The following EVL variants were observed in gnomAD, a reference collection of about 807,000 sequenced individuals.
EVL encodes ena/VASP-like protein.
In EVL, 21 loss-of-function variants were observed where a neutral mutation model predicts 59.6. The observed-to-expected ratio is 0.35, with a 90% CI of 0.25 to 0.51. The LOEUF (loss-of-function observed/expected upper bound fraction) is 0.51. Among genes scored for constraint, EVL ranks in the 20% least tolerant of loss-of-function variants. The pLI is 0.97. For synonymous variants in EVL, 198 were observed against 203.5 expected, an observed-to-expected ratio of 0.97 and a Z score of 0.23; for missense variants, 462 against 546.6, an observed-to-expected ratio of 0.85 and a Z score of 1.54.
rs1595254673 is a variant in EVL, at chr14:100,137,608, A to G, written c.995A>G (p.Asn332Ser). 3 of 1,613,932 alleles carry G rather than the reference A, an allele frequency of 1.9e-6. No homozygotes were observed. Among genetic ancestry groups the G allele is most frequent in the Non-Finnish European group, 2.5e-6 (3 of 1,180,010 alleles). Reference protein sequence around the residue: ...EAGRKPWERSNSVEKPVSSIL... With the variant: ...EAGRKPWERSSSVEKPVSSIL... ...GGCCGGAAGCCCTGGGAGCGGAGCA[A>G]CTCGGTGGAGAAGCCTGTGTCCTCG... The change falls in exon 10 of 14, where the codon AAC becomes AGC. Residue 332 changes from asparagine to serine, a missense_variant. Asn to Ser is a conservative substitution (Grantham distance 46). Coordinates refer to ENST00000392920, the MANE Select transcript of EVL (RefSeq NM_016337.3).
chr14:100,122,952 T>A (rs1887794000), intron 3 of EVL, among the ~76,000 whole-genome samples: 1 of 152,116 alleles, frequency 6.6e-6, no homozygotes, highest in South Asian at 2.1e-4. Context: ...TCTGGCTCCT[T>A]CCCACCCGCA....
At chr14:100,086,896 G>T (rs1189746478) in intron 2 of EVL, among the ~76,000 whole-genome samples, 1 of 152,088 alleles carries the variant, frequency 6.6e-6, no homozygotes, top group Non-Finnish European at 1.5e-5. Context: ...AGAGATTCTT[G>T]GTAAACCAAG....
chr14:100,038,632 C>T (rs988562689), intron 1 of EVL, among the ~76,000 whole-genome samples: 1 of 152,116 alleles, frequency 6.6e-6, no homozygotes, highest in African/African-American at 2.4e-5. Context: ...TTATTAACTG[C>T]TCATAATAAA....
Position 100,088,617 on chromosome 14 carries a change from T to C in EVL, c.180+3762T>C, listed in dbSNP as rs529889885. 1.2e-4 allele frequency among the ~76,000 whole-genome samples: 18 copies of C among 152,324 alleles called. 1 individual carries two copies. In the South Asian group the frequency reaches 3.3e-3, roughly 28 times the overall value. ...AATATACGTGAGCATAGAAAAAGTATAGTAAAAATACCGTACTATAGTCTT... is the reference window on the plus strand; with the variant it reads ...AATATACGTGAGCATAGAAAAAGTACAGTAAAAATACCGTACTATAGTCTT... On this transcript the variant is annotated intron_variant, in intron 2 of 13. Transcript: ENST00000392920.
intron 1 of EVL, among the ~76,000 whole-genome samples, chr14:100,010,623 C>T (rs1274655354): frequency 1.3e-5 from 2 of 152,174 alleles, no homozygotes; most frequent in Non-Finnish European, 2.9e-5. Flanking sequence ...TCTCAAACTC[C>T]TGACCTCAGG....
At position 100,126,758 on chromosome 14, in the gene EVL, A is replaced by G. The variant is rs1566720163; in HGVS notation, c.474A>G (p.Arg158=). 6.2e-7 allele frequency: 1 copy of G among 1,613,980 alleles called. No individual in the cohort carries two copies. The highest frequency in any genetic ancestry group is 1.7e-5 in the Admixed American group (1 of 60,014). ...AGCGTCAGGAATCTCTAGAAAGAAG[A>G]ACCTCGGCCACAGGTGAGAGCCCTC... is the stretch of plus-strand genomic sequence containing the variant. ...QQQRQESLER[R]TSATGPILPP... is the part of the protein sequence containing the mutation. Residue 158 remains arginine, a synonymous_variant, in exon 5 of 14, where the codon AGA becomes AGG. Transcript: ENST00000392920.
chr14:100,073,620 C>G (rs1341946914), intron 1 of EVL, among the ~76,000 whole-genome samples: 3 of 152,006 alleles, frequency 2.0e-5, no homozygotes, highest in African/African-American at 7.3e-5. Flanking sequence ...GTGCCCGGCC[C>G]TTGTTTTATT....
intron 1 of EVL, among the ~76,000 whole-genome samples, chr14:100,005,671 C>CA (rs2060974253): frequency 7.1e-6 from 1 of 140,232 alleles, no homozygotes; most frequent in Non-Finnish European, 1.6e-5. Context: ...ACACACACAC[C>CA]CCTTGGATGT....
At chr14:100,070,093 T>G (rs1044603382) in intron 1 of EVL, among the ~76,000 whole-genome samples, 1 of 136,838 alleles carries the variant, frequency 7.3e-6, no homozygotes, top group Non-Finnish European at 1.6e-5. Context: ...AGAAAGAAAA[T>G]AAAATTAAAA....
At chr14:100,060,213 G>A (rs938156026) in intron 1 of EVL, among the ~76,000 whole-genome samples, 6 of 151,752 alleles carry the variant, frequency 4.0e-5, no homozygotes, top group South Asian at 2.1e-4. Context: ...GGCGGATCAC[G>A]AGGTCAGGAG....
chr14:100,101,025 T>C (rs745701056), intron 3 of EVL, among the ~76,000 whole-genome samples: 28 of 152,158 alleles, frequency 1.8e-4, no homozygotes, highest in Non-Finnish European at 3.5e-4. Flanking sequence ...GTCCAGTTAT[T>C]TTCCTTGGGC....
At chr14:100,001,527 C>G (rs114150925) in intron 1 of EVL, among the ~76,000 whole-genome samples, 7 of 152,138 alleles carry the variant, frequency 4.6e-5, no homozygotes, top group Admixed American at 4.6e-4. Context: ...TAAAGTGCAG[C>G]GAGAGTAATT....
chr14:99,976,779 T>C (rs2060773232), intron 1 of EVL, among the ~76,000 whole-genome samples: 1 of 152,214 alleles, frequency 6.6e-6, no homozygotes, highest in South Asian at 2.1e-4. Context: ...CCTAATGTTC[T>C]CTTCTTCACC....
At chr14:100,116,592 T>C (rs1887362862) in intron 3 of EVL, among the ~76,000 whole-genome samples, 1 of 152,168 alleles carries the variant, frequency 6.6e-6, no homozygotes, top group African/African-American at 2.4e-5. Flanking sequence ...TGCCTGCCTT[T>C]GGCTGTATAA....
intron 1 of EVL, among the ~76,000 whole-genome samples, chr14:100,037,354 T>A (rs2061403721): frequency 1.3e-5 from 2 of 152,206 alleles, no homozygotes; most frequent in African/African-American, 4.8e-5. Context: ...GGAAAGCCTT[T>A]CTAACAGGGG....
At chr14:99,989,921 C>G (rs1334383591) in intron 1 of EVL, among the ~76,000 whole-genome samples, 1 of 152,122 alleles carries the variant, frequency 6.6e-6, no homozygotes, top group Non-Finnish European at 1.5e-5. Context: ...CTAAACTAGC[C>G]CTAGTTATTT....
chr14:99,982,686 C>G (rs1182518165), intron 1 of EVL, among the ~76,000 whole-genome samples: 2 of 152,168 alleles, frequency 1.3e-5, no homozygotes, highest in Non-Finnish European at 2.9e-5. Context: ...TACGAAGATG[C>G]ATTGTCTTTG....
intron 1 of EVL, among the ~76,000 whole-genome samples, chr14:99,976,114 A>C (rs906370083): frequency 2.0e-5 from 3 of 151,994 alleles, no homozygotes; most frequent in Admixed American, 6.6e-5. Flanking sequence ...GACTCACTAC[A>C]GCCTTAAACT....
At chr14:100,083,470 G>A (rs1278930851) in intron 1 of EVL, among the ~76,000 whole-genome samples, 1 of 151,930 alleles carries the variant, frequency 6.6e-6, no homozygotes, top group African/African-American at 2.4e-5. Flanking sequence ...AAATAAACGA[G>A]TATTGCTTTT....
Sources: allele counts gnomAD v4.1 joint callset (sites outside exome capture counted in the v4.1 genomes callset), GRCh38; gene constraint gnomAD v4.1.1; transcripts MANE v1.5; gene names NCBI Gene and HGNC (gene_info 2026-07-23, HGNC 2026-07-21).